The following PRKCB variants were observed in gnomAD, a reference collection of about 807,000 sequenced individuals.
The protein encoded by PRKCB is protein kinase C beta type.
Under a neutral mutation model 81.5 loss-of-function variants are expected in PRKCB, and 13 were observed. The ratio of observed to expected loss-of-function variants is 0.16; its 90% CI spans 0.10 to 0.25. The LOEUF is 0.25. Ranked by LOEUF, PRKCB falls within the 10% of genes least tolerant of loss-of-function variation. The pLI is 1.00. For synonymous variants in PRKCB, 335 were observed against 321.4 expected (o/e 1.04, Z -0.45); for missense variants, 509 against 875.7 (o/e 0.58, Z 5.29).
intron 2 of PRKCB, among the ~76,000 whole-genome samples, chr16:23,904,697 A>C (rs1367377718): frequency 6.6e-6 from 1 of 152,120 alleles, no homozygotes; most frequent in Non-Finnish European, 1.5e-5. Flanking sequence ...AAAAACCACA[A>C]CACTTAGAAG....
chr16:23,965,960 G>A (rs2141796369), intron 2 of PRKCB, among the ~76,000 whole-genome samples: 1 of 152,228 alleles, frequency 6.6e-6, no homozygotes, highest in East Asian at 1.9e-4. Flanking sequence ...TCTCTCTCTT[G>A]GCCACTTCAG....
intron 3 of PRKCB, among the ~76,000 whole-genome samples, chr16:24,007,927 G>A (rs1965147815): frequency 6.6e-6 from 1 of 150,952 alleles, no homozygotes; most frequent in Non-Finnish European, 1.5e-5. Flanking sequence ...GCTCTTTTGT[G>A]TTCATGAGGT....
At chr16:24,137,023 G>T (rs772332032) in intron 9 of PRKCB, among the ~76,000 whole-genome samples, 1 of 150,782 alleles carries the variant, frequency 6.6e-6, no homozygotes, top group South Asian at 2.1e-4. Flanking sequence ...GATTATATGC[G>T]CATGCCACCA....
chr16:24,101,856 A>G (rs1429241627), intron 7 of PRKCB, among the ~76,000 whole-genome samples: 1 of 152,260 alleles, frequency 6.6e-6, no homozygotes, highest in Non-Finnish European at 1.5e-5. Flanking sequence ...GGGATAGTGT[A>G]TCAGGAGTAA....
chr16:23,914,224 G>A (rs930750269), intron 2 of PRKCB, among the ~76,000 whole-genome samples: 2 of 151,952 alleles, frequency 1.3e-5, no homozygotes, highest in African/African-American at 4.8e-5. Context: ...TATGTTGCCC[G>A]GGCTCATGTC....
At chr16:24,023,658 G>A (rs185413769) in intron 3 of PRKCB, among the ~76,000 whole-genome samples, 4 of 152,212 alleles carry the variant, frequency 2.6e-5, no homozygotes, top group East Asian at 3.9e-4. Context: ...GTGAGCCACC[G>A]CACCCGGCCA....
At chr16:23,989,927 A>T (rs1964857873) in intron 3 of PRKCB, among the ~76,000 whole-genome samples, 1 of 152,028 alleles carries the variant, frequency 6.6e-6, no homozygotes. Flanking sequence ...TCTAGGAAAG[A>T]TTTTTCCTTT....
At chr16:23,901,493 G>A (rs1304960888) in intron 2 of PRKCB, among the ~76,000 whole-genome samples, 1 of 152,150 alleles carries the variant, frequency 6.6e-6, no homozygotes, top group Admixed American at 6.5e-5. Flanking sequence ...GAAGGGGAGT[G>A]AGAGTAGATG....
intron 11 of PRKCB, 121 bp downstream of exon 11, chr16:24,172,482 A>G: frequency 2.7e-6 from 2 of 750,142 alleles, no homozygotes; most frequent in South Asian, 1.7e-5. Context: ...TTTTGAAAAA[A>G]TATTTAGCCA....
At chr16:24,154,658 C>A (rs760425879) in intron 9 of PRKCB, 26 bp from the exon 10 acceptor site, 3 of 1,612,750 alleles carry the variant, frequency 1.9e-6, no homozygotes, top group Non-Finnish European at 2.5e-6. Context: ...TTCCAACTGC[C>A]CTGACATGCT....
intron 2 of PRKCB, among the ~76,000 whole-genome samples, chr16:23,936,043 A>G (rs1268536886): frequency 6.6e-6 from 1 of 152,144 alleles, no homozygotes; most frequent in African/African-American, 2.4e-5. Flanking sequence ...AATGTTTAAA[A>G]TCCACACAGT....
At chr16:23,873,189 CAA>C (rs1044352544) in intron 2 of PRKCB, among the ~76,000 whole-genome samples, 7 of 67,924 alleles carry the variant, frequency 1.0e-4, no homozygotes, top group South Asian at 1.2e-3. Flanking sequence ...CACACACACA[CAA>C]AAAAAAAAAA....
chr16:24,021,058 C>CCCTCCCTT (rs1965368623), intron 3 of PRKCB, among the ~76,000 whole-genome samples: 1 of 54,284 alleles, frequency 1.8e-5, no homozygotes, highest in African/African-American at 7.3e-5. Flanking sequence ...TTCTTTCTTT[C>CCCTCCCTT]CCTCCCTCCC....
At chr16:23,850,667 A>G (rs1191704481) in intron 2 of PRKCB, among the ~76,000 whole-genome samples, 1 of 152,066 alleles carries the variant, frequency 6.6e-6, no homozygotes, top group African/African-American at 2.4e-5. Context: ...GCTCGGTGGT[A>G]GTTCACTTTT....
intron 3 of PRKCB, among the ~76,000 whole-genome samples, chr16:23,991,676 G>A (rs1342570676): frequency 1.3e-5 from 2 of 152,168 alleles, no homozygotes; most frequent in Non-Finnish European, 2.9e-5. Context: ...TCTAAATAAT[G>A]TCCTCAAGAA....
At chr16:24,055,470 T>C (rs1413019519) in intron 5 of PRKCB, among the ~76,000 whole-genome samples, 1 of 152,244 alleles carries the variant, frequency 6.6e-6, no homozygotes, top group Non-Finnish European at 1.5e-5. Flanking sequence ...TCACGTCGGC[T>C]TCTCTGGCCC....
At chr16:24,142,111 T>A (rs568606881) in intron 9 of PRKCB, among the ~76,000 whole-genome samples, 1 of 152,244 alleles carries the variant, frequency 6.6e-6, no homozygotes, top group African/African-American at 2.4e-5. Context: ...TCCCCTTTTA[T>A]GGATTGGGGA....
chr16:24,119,593 G>C (rs952143766), intron 8 of PRKCB, among the ~76,000 whole-genome samples: 2 of 52,980 alleles, frequency 3.8e-5, no homozygotes, highest in Non-Finnish European at 6.0e-5. Context: ...TGGTGCTAAG[G>C]TGATGGGGCA....
At chr16:24,086,841 T>C (rs1360255966) in intron 5 of PRKCB, among the ~76,000 whole-genome samples, 1 of 152,224 alleles carries the variant, frequency 6.6e-6, no homozygotes, top group Non-Finnish European at 1.5e-5. Context: ...CATTCATATA[T>C]GACCTTGTAG....
Sources: gnomAD v4.1 joint callset for allele counts (sites outside exome capture counted in the v4.1 genomes callset) on GRCh38, gnomAD v4.1.1 for gene constraint, MANE v1.5 for transcripts, NCBI Gene and HGNC (gene_info 2026-07-23, HGNC 2026-07-21) for gene names.